The following TENT5D variants were observed in gnomAD, a reference collection of about 807,000 sequenced individuals.
TENT5D encodes terminal nucleotidyltransferase 5D, also known as cancer/testis antigen 112.
For missense variants in TENT5D, 191 were observed against 287.0 expected (o/e 0.67, Z 2.42); for synonymous variants, 103 against 100.6 (o/e 1.02, Z -0.15).
intron 3 of TENT5D, among the ~76,000 whole-genome samples, chrX:80,410,901 A>T (rs1931647038): frequency 9.4e-6 from 1 of 106,514 alleles, no homozygotes; most frequent in Admixed American, 1.0e-4. Context: ...ACACCATGGA[A>T]TACTATGCAG....
intron 3 of TENT5D, among the ~76,000 whole-genome samples, chrX:80,344,239 G>C (rs1194784678): frequency 9.1e-6 from 1 of 110,384 alleles, no homozygotes; most frequent in Admixed American, 9.8e-5. Flanking sequence ...TTGCTATTGT[G>C]AATAGTGTTG....
At chrX:80,347,396 T>C (rs1930085815) in intron 3 of TENT5D, among the ~76,000 whole-genome samples, 1 of 112,534 alleles carries the variant, frequency 8.9e-6, no homozygotes, top group East Asian at 2.8e-4. Flanking sequence ...TGTTATCTCA[T>C]TGTGGTTTTG....
At chrX:80,380,156 G>T (rs1265304849) in intron 3 of TENT5D, among the ~76,000 whole-genome samples, 1 of 108,987 alleles carries the variant, frequency 9.2e-6, no homozygotes, top group African/African-American at 3.3e-5. Flanking sequence ...CTGGTATGTT[G>T]TGCCTTTGTT....
chrX:80,410,741 TG>T (rs1931641441), intron 3 of TENT5D, among the ~76,000 whole-genome samples: 1 of 109,102 alleles, frequency 9.2e-6, no homozygotes, highest in Admixed American at 9.9e-5. Flanking sequence ...ATCCCATTAC[TG>T]GGTATATACC....
At chrX:80,377,460 C>T (rs1190131373) in intron 3 of TENT5D, among the ~76,000 whole-genome samples, 1 of 111,190 alleles carries the variant, frequency 9.0e-6, no homozygotes, top group Non-Finnish European at 1.9e-5. Flanking sequence ...TGTTCAGTTC[C>T]CACCTATGAG....
Position 80,392,495 on chromosome X carries a change from C to CTTTTT in TENT5D, c.-141-46087_-141-46083dup, listed in dbSNP as rs72029455. Among the ~76,000 whole-genome samples, 42 of 24,308 alleles carry CTTTTT rather than the reference C, an allele frequency of 1.7e-3. 4 individuals are homozygous for CTTTTT. Among genetic ancestry groups the CTTTTT allele is most frequent in the African/African-American group, 3.0e-3 (15 of 5,012 alleles). The allele number at this position is 24,308 out of a possible 115,157, so 21.1% of individuals were successfully genotyped here. On this transcript the variant is annotated intron_variant, in intron 3 of 4. Coordinates refer to the TENT5D transcript ENST00000538312. Reference sequence around the variant, plus strand: ...TTTATAGCTTTATTCTCATTTTATTCTTTTTTTTTTTTTTTTTTTTTTTTT... The same window carrying CTTTTT: ...TTTATAGCTTTATTCTCATTTTATTCTTTTTTTTTTTTTTTTTTTTTTTTTTTTTT...
intron 1 of TENT5D, among the ~76,000 whole-genome samples, chrX:80,425,715 T>C (rs1461358624): frequency 8.9e-6 from 1 of 111,860 alleles, no homozygotes; most frequent in Non-Finnish European, 1.9e-5. Context: ...TCCCATATGG[T>C]TTTAGAACAT....
chrX:80,396,606 A>G (rs1270173787), intron 3 of TENT5D, among the ~76,000 whole-genome samples: 1 of 110,623 alleles, frequency 9.0e-6, no homozygotes, highest in African/African-American at 3.3e-5. Flanking sequence ...TCAGAGATCA[A>G]CAGGATCACA....
intron 3 of TENT5D, among the ~76,000 whole-genome samples, chrX:80,354,429 C>T (rs1930244284): frequency 8.9e-6 from 1 of 111,963 alleles, no homozygotes; most frequent in Non-Finnish European, 1.9e-5. Context: ...CATTGATTCA[C>T]AGGAGGGGTC....
At chrX:80,377,485 G>T (rs1257639549) in intron 3 of TENT5D, among the ~76,000 whole-genome samples, 1 of 110,920 alleles carries the variant, frequency 9.0e-6, no homozygotes, top group Non-Finnish European at 1.9e-5. Context: ...AACATGTGGT[G>T]TTTGGTTTTC....
At position 80,405,620 on chromosome X, in the gene TENT5D, C is replaced by A. The variant is rs184997794; in HGVS notation, c.-141-32990C>A. ...AGGGTCCTACGCCCAGGGAGTCTCG[C>A]TGATTGCTAGCACAGCAGTCTGAGA... is the stretch of plus-strand genomic sequence containing the variant. On this transcript the variant is annotated intron_variant, in intron 3 of 4. Coordinates refer to the TENT5D transcript ENST00000538312. 6.9e-3 allele frequency among the ~76,000 whole-genome samples: 770 copies of A among 111,884 alleles called. 6 individuals are homozygous for A. Among genetic ancestry groups the A allele is most frequent in the African/African-American group, 0.024 (732 of 30,803 alleles).
chrX:80,422,341 C>T (rs1602219232), intron 1 of TENT5D, among the ~76,000 whole-genome samples: 1 of 111,104 alleles, frequency 9.0e-6, no homozygotes, highest in African/African-American at 3.3e-5. Flanking sequence ...GGCATGGCAG[C>T]GCATGCCTGT....
chrX:80,436,658 G>A, intron 1 of TENT5D, among the ~76,000 whole-genome samples: 1 of 111,058 alleles, frequency 9.0e-6, no homozygotes, highest in Middle Eastern at 4.7e-3. Flanking sequence ...TTCTGTTCCT[G>A]TGTTAGTTTG....
At chrX:80,349,774 T>C (rs1930139874) in intron 3 of TENT5D, among the ~76,000 whole-genome samples, 1 of 111,559 alleles carries the variant, frequency 9.0e-6, no homozygotes, top group Non-Finnish European at 1.9e-5. Flanking sequence ...TCCTGCTTTC[T>C]GATGTGGGCA....
chrX:80,421,227 C>T (rs1326948321), intron 1 of TENT5D, among the ~76,000 whole-genome samples: 3 of 111,670 alleles, frequency 2.7e-5, no homozygotes, highest in Admixed American at 9.5e-5. Context: ...CACTCTGTCA[C>T]TAGGCTAGAG....
At chrX:80,390,288 G>A (rs1489690600) in intron 3 of TENT5D, among the ~76,000 whole-genome samples, 1 of 111,394 alleles carries the variant, frequency 9.0e-6, no homozygotes, top group Admixed American at 9.6e-5. Flanking sequence ...GAAAGTGGAA[G>A]AGAGAATAAA....
At chrX:80,376,972 A>G (rs1006853179) in intron 3 of TENT5D, among the ~76,000 whole-genome samples, 1 of 111,265 alleles carries the variant, frequency 9.0e-6, no homozygotes, top group African/African-American at 3.3e-5. Context: ...ATCAGTAGGG[A>G]TAATGACTAT....
At chrX:80,356,005 G>A (rs1423385109) in intron 3 of TENT5D, among the ~76,000 whole-genome samples, 1 of 112,302 alleles carries the variant, frequency 8.9e-6, no homozygotes, top group African/African-American at 3.2e-5. Context: ...GAGTGCCAAA[G>A]CCAAGAAGAT....
chrX:80,383,681 C>A (rs745405778), intron 3 of TENT5D, among the ~76,000 whole-genome samples: 1 of 110,639 alleles, frequency 9.0e-6, no homozygotes, highest in African/African-American at 3.3e-5. Flanking sequence ...ACAGTGACAC[C>A]CGGTCTCTAC....
Sources: gnomAD v4.1 joint callset for allele counts (sites outside exome capture counted in the v4.1 genomes callset) on GRCh38, gnomAD v4.1.1 for gene constraint, MANE v1.5 for transcripts, NCBI Gene and HGNC (gene_info 2026-07-23, HGNC 2026-07-21) for gene names.